Variants in CFDP1 observed in about 807,000 individuals in gnomAD.
The protein encoded by CFDP1 is heterochromatin-stabilizing protein CFDP1.
A neutral mutation model predicts 40.1 loss-of-function variants in CFDP1; 31 were observed. The ratio of observed to expected loss-of-function variants is 0.77; its 90% CI spans 0.58 to 1.04. The LOEUF (loss-of-function observed/expected upper bound fraction) is 1.04, where lower values mean the gene tolerates loss of function less well. CFDP1 is among the 50% of genes least tolerant of loss of function. The pLI, the probability that CFDP1 is intolerant of heterozygous loss-of-function variation, is 0.00. For synonymous variants in CFDP1, 167 were observed against 120.0 expected, an observed-to-expected ratio of 1.39 and a Z score of -2.56; for missense variants, 423 against 343.4, an observed-to-expected ratio of 1.23 and a Z score of -1.83.
At chr16:75,294,080 T>C (rs1417791344) in intron 6 of CFDP1, 38 bp from the exon 7 acceptor site, 2 of 1,498,814 alleles carry the variant, frequency 1.3e-6, no homozygotes, top group African/African-American at 2.7e-5. Context: ...TAGAATCCAG[T>C]AGGAAAAACT....
intron 2 of CFDP1, among the ~76,000 whole-genome samples, chr16:75,413,046 T>C (rs1180434853): frequency 3.3e-5 from 5 of 151,936 alleles, no homozygotes; most frequent in African/African-American, 7.3e-5. Flanking sequence ...AAAGAAAACA[T>C]CCAAATCACC....
At chr16:75,350,007 G>T (rs866820501) in intron 5 of CFDP1, among the ~76,000 whole-genome samples, 1 of 151,966 alleles carries the variant, frequency 6.6e-6, no homozygotes, top group African/African-American at 2.4e-5. Flanking sequence ...TATGACATTA[G>T]TGGTGGGTTT....
intron 5 of CFDP1, among the ~76,000 whole-genome samples, chr16:75,325,637 A>G (rs1304841854): frequency 6.6e-6 from 1 of 152,254 alleles, no homozygotes; most frequent in Non-Finnish European, 1.5e-5. Flanking sequence ...TATTTTGTTC[A>G]CTGATATAAC....
intron 5 of CFDP1, among the ~76,000 whole-genome samples, chr16:75,337,470 C>T (rs1321849077): frequency 6.6e-6 from 1 of 152,220 alleles, no homozygotes; most frequent in East Asian, 1.9e-4. Flanking sequence ...TCTCCAGTCA[C>T]TCAATCCCCT....
At chr16:75,384,313 A>T (rs1292526574) in intron 5 of CFDP1, among the ~76,000 whole-genome samples, 1 of 152,166 alleles carries the variant, frequency 6.6e-6, no homozygotes, top group Non-Finnish European at 1.5e-5. Context: ...GCCGAGCGAG[A>T]TAGCACCACT....
chr16:75,310,681 G>A (rs1305531788), intron 5 of CFDP1, among the ~76,000 whole-genome samples: 1 of 152,182 alleles, frequency 6.6e-6, no homozygotes, highest in African/African-American at 2.4e-5. Flanking sequence ...TGTAGCAAGA[G>A]CACTGTTCTA....
At chr16:75,306,453 A>G (rs2078257976) in intron 5 of CFDP1, 1 of 152,190 alleles carries the variant, frequency 6.6e-6, no homozygotes, top group African/African-American at 2.4e-5. Flanking sequence ...GGGACTGAAC[A>G]ATGACCCTGA....
intron 4 of CFDP1, among the ~76,000 whole-genome samples, chr16:75,396,068 T>C (rs111935643): frequency 6.8e-5 from 7 of 103,442 alleles, no homozygotes; most frequent in African/African-American, 1.7e-4. Flanking sequence ...TAAATCTCCA[T>C]GCTGGTTTAC....
intron 5 of CFDP1, among the ~76,000 whole-genome samples, chr16:75,317,385 G>C (rs2078330605): frequency 6.6e-6 from 1 of 152,146 alleles, no homozygotes; most frequent in South Asian, 2.1e-4. Context: ...CCACTCCCAT[G>C]GTGGGGGAGT....
intron 5 of CFDP1, among the ~76,000 whole-genome samples, chr16:75,355,291 T>A (rs1229769296): frequency 6.6e-6 from 1 of 152,210 alleles, no homozygotes; most frequent in African/African-American, 2.4e-5. Flanking sequence ...GACTCCTCTT[T>A]CATGAAAGAT....
At chr16:75,317,384 T>C (rs1456960950) in intron 5 of CFDP1, among the ~76,000 whole-genome samples, 5 of 152,140 alleles carry the variant, frequency 3.3e-5, no homozygotes, top group African/African-American at 9.7e-5. Context: ...ACCACTCCCA[T>C]GGTGGGGGAG....
chr16:75,404,171 C>T (rs1164193611), intron 4 of CFDP1, among the ~76,000 whole-genome samples: 2 of 150,782 alleles, frequency 1.3e-5, no homozygotes, highest in African/African-American at 2.4e-5. Flanking sequence ...TTATGGAACC[C>T]GAAAACAACT....
At chr16:75,337,586 T>C (rs1253186634) in intron 5 of CFDP1, among the ~76,000 whole-genome samples, 1 of 152,156 alleles carries the variant, frequency 6.6e-6, no homozygotes, top group African/African-American at 2.4e-5. Context: ...CCACAGGTTG[T>C]ACAGAAAGCA....
At chr16:75,306,102 C>T (rs569576191) in intron 5 of CFDP1, among the ~76,000 whole-genome samples, 7 of 152,214 alleles carry the variant, frequency 4.6e-5, no homozygotes, top group Non-Finnish European at 1.0e-4. Flanking sequence ...CATGTAGGAA[C>T]TTGGAAGTTA....
intron 6 of CFDP1, among the ~76,000 whole-genome samples, chr16:75,299,818 T>G (rs1489379336): frequency 6.6e-6 from 1 of 152,084 alleles, no homozygotes; most frequent in African/African-American, 2.4e-5. Flanking sequence ...ATAGTAAGTG[T>G]CACGGAGAAA....
At chr16:75,413,058 A>C (rs117144784) in intron 2 of CFDP1, among the ~76,000 whole-genome samples, 1 of 152,220 alleles carries the variant, frequency 6.6e-6, no homozygotes, top group African/African-American at 2.4e-5. Flanking sequence ...CAAATCACCT[A>C]ATCACAGAAT....
rs1044454 is a variant in CFDP1 at position 75,293,808 on chromosome 16, G to A, written c.*144C>T. ...AGTGAATGAAACCATTTGTGATTAA[G>A]ATACATAGACAGAACTTCAATGTAG... On this transcript the variant is annotated 3_prime_UTR_variant, in exon 7 of 7. Coordinates refer to ENST00000283882, the MANE Select transcript of CFDP1 (RefSeq NM_006324.3). The A allele has an allele frequency of 1.6e-6, 1 of 611,660 alleles. No homozygotes were observed. Among genetic ancestry groups the A allele is most frequent in the Non-Finnish European group, 2.8e-6 (1 of 353,594 alleles). 37.9% of individuals were successfully genotyped at this position (611,660 alleles called of 1,614,324 possible). A position where few individuals can be genotyped will look rare whatever the true frequency, so the allele number is the denominator to read the frequency against.
intron 4 of CFDP1, among the ~76,000 whole-genome samples, chr16:75,398,937 G>GTCCC (rs1420097172): frequency 6.6e-6 from 1 of 151,630 alleles, no homozygotes; most frequent in African/African-American, 2.4e-5. Context: ...GGCGCCTGTA[G>GTCCC]TCCCAGCTAC....
chr16:75,384,388 AT>A (rs1246277271), intron 5 of CFDP1, among the ~76,000 whole-genome samples: 2 of 152,076 alleles, frequency 1.3e-5, no homozygotes, highest in Non-Finnish European at 2.9e-5. Context: ...AAGAGGAAAA[AT>A]TTTAAACCAC....
Sources: allele counts gnomAD v4.1 joint callset (sites outside exome capture counted in the v4.1 genomes callset), GRCh38; gene constraint gnomAD v4.1.1; transcripts MANE v1.5; gene names NCBI Gene and HGNC (gene_info 2026-07-23, HGNC 2026-07-21).